The following NFKB1 variants were observed in gnomAD, a reference collection of about 807,000 sequenced individuals.
The protein encoded by NFKB1 is nuclear factor NF-kappa-B p105 subunit.
In NFKB1, 9 loss-of-function variants were observed where a neutral mutation model predicts 105.1. That is an observed-to-expected ratio of 0.09 (90% confidence interval 0.05 to 0.15). The LOEUF (loss-of-function observed/expected upper bound fraction) is 0.15. Among genes scored for constraint, NFKB1 ranks in the 10% least tolerant of loss-of-function variants. The pLI is 1.00. For synonymous variants in NFKB1, 440 were observed against 442.2 expected (o/e 1.00, Z 0.06); for missense variants, 830 against 1,203.7 (o/e 0.69, Z 4.59).
Position 102,610,661 on chromosome 4 carries a change from C to G in NFKB1, c.2314C>G (p.Pro772Ala). Residue 772 changes from proline to alanine, a missense_variant, in exon 20 of 24, where the codon CCT becomes GCT. Pro to Ala is a conservative substitution (Grantham distance 27). Transcript: ENST00000226574. The part of the protein sequence containing the change: ...ENAGEDEGVV[P>A]GTTPLDMATS... The stretch of plus-strand genomic sequence containing the variant: ...TGCAGGAGAGGATGAAGGAGTTGTG[C>G]CTGGAACCACGCCTCTAGATATGGC... 6.2e-7 allele frequency: 1 copy of G among 1,614,032 alleles called. No individual in the cohort carries two copies. The highest frequency in any genetic ancestry group is 8.5e-7 in the Non-Finnish European group (1 of 1,179,950).
At chr4:102,588,955 T>C (rs182581481) in intron 11 of NFKB1, among the ~76,000 whole-genome samples, 84 of 152,288 alleles carry the variant, frequency 5.5e-4, no homozygotes, top group Non-Finnish European at 9.6e-4. Context: ...CATGGTGCCA[T>C]TGTCAAAAGC....
At chr4:102,607,446 G>A in intron 18 of NFKB1, 127 bp downstream of exon 18, 2 of 1,144,848 alleles carry the variant, frequency 1.7e-6, no homozygotes, top group East Asian at 2.4e-5. Context: ...AACATTTATG[G>A]AGGGCTTCAG....
intron 6 of NFKB1, among the ~76,000 whole-genome samples, chr4:102,569,147 CTATA>C (rs772757465): frequency 1.3e-5 from 2 of 152,050 alleles, no homozygotes; most frequent in African/African-American, 2.4e-5. Context: ...CTATCTCTCT[CTATA>C]TATACATTTT....
chr4:102,552,293 A>G (rs1285667593), intron 5 of NFKB1, among the ~76,000 whole-genome samples: 1 of 152,140 alleles, frequency 6.6e-6, no homozygotes, highest in Non-Finnish European at 1.5e-5. Flanking sequence ...AAATATATGA[A>G]TGGCTGTGAT....
In NFKB1 at chr4:102,596,164, G is replaced by T. The variant is rs183929764; in HGVS notation, c.1327G>T (p.Asp443Tyr). The T allele has an allele frequency of 3.7e-6, 6 of 1,605,098 alleles. No homozygotes were observed. In the East Asian group the frequency reaches 1.1e-4, roughly 30 times the overall value. The change falls in exon 14 of 24, where the codon GAC becomes TAC. Residue 443 changes from aspartate (D) to tyrosine (Y), a missense_variant. Coordinates refer to ENST00000226574, the MANE Select transcript of NFKB1 (RefSeq NM_003998.4). The part of the protein sequence containing the change: ...HGTMDTESKK[D>Y]PEGCDKSDDK... ...AACCATGGACACTGAATCTAAAAAG[G>T]ACCCTGAAGGTTGTGACAAAAGTGA...
At chr4:102,547,832 G>C (rs1216655742) in intron 5 of NFKB1, among the ~76,000 whole-genome samples, 2 of 152,162 alleles carry the variant, frequency 1.3e-5, no homozygotes, top group South Asian at 4.2e-4. Context: ...CCTTTCTTCT[G>C]TCTGGGGTTA....
intron 23 of NFKB1, among the ~76,000 whole-genome samples, chr4:102,613,867 CAT>C (rs1383512686): frequency 3.3e-5 from 5 of 152,184 alleles, no homozygotes; most frequent in African/African-American, 9.7e-5. Flanking sequence ...AAATTTAACA[CAT>C]GAGAGAAATA....
intron 16 of NFKB1, among the ~76,000 whole-genome samples, chr4:102,603,396 C>A (rs377528493): frequency 1.3e-5 from 2 of 151,310 alleles, no homozygotes; most frequent in South Asian, 2.1e-4. Flanking sequence ...TTTTTTATAT[C>A]CTAAACTCTT....
chr4:102,546,265 G>A (rs1259606064), intron 5 of NFKB1, among the ~76,000 whole-genome samples: 2 of 151,918 alleles, frequency 1.3e-5, no homozygotes, highest in African/African-American at 2.4e-5. Context: ...ACTCCACCTT[G>A]AGTAGCAGAA....
chr4:102,508,012 A>C (rs1001465266), intron 1 of NFKB1, among the ~76,000 whole-genome samples: 4 of 152,234 alleles, frequency 2.6e-5, no homozygotes, highest in Non-Finnish European at 5.9e-5. Flanking sequence ...TGTCTTAGAA[A>C]ATATGTCTTC....
rs771536273 is a variant in NFKB1, at chr4:102,606,696, C to T, written c.1953C>T (p.Asp651=). Residue 651 remains aspartate (D), a splice_region_variant and synonymous_variant, in exon 17 of 24, where the codon GAC becomes GAT. Coordinates refer to ENST00000226574, the MANE Select transcript of NFKB1 (RefSeq NM_003998.4). ...TACTTCTTGACCACCCCAACGGGGA[C>T]GGTAAGAGACAATCACACATCATTG... ...AALLLDHPNG[D]GLNAIHLAMM... 5.2e-5 allele frequency: 84 copies of T among 1,612,788 alleles called. No homozygotes were observed. Among genetic ancestry groups the T allele is most frequent in the Admixed American group, 8.4e-5 (5 of 59,840 alleles).
intron 5 of NFKB1, among the ~76,000 whole-genome samples, chr4:102,561,596 A>G (rs1723450671): frequency 6.6e-6 from 1 of 152,128 alleles, no homozygotes; most frequent in South Asian, 2.1e-4. Context: ...AGCAATGGGA[A>G]ATGTGAATAG....
At chr4:102,539,811 C>T (rs975263897) in intron 5 of NFKB1, among the ~76,000 whole-genome samples, 4 of 152,094 alleles carry the variant, frequency 2.6e-5, no homozygotes, top group East Asian at 1.9e-4. Flanking sequence ...TATTGCTCAC[C>T]GAACCTCTCA....
chr4:102,562,840 TC>T (rs1366232125), intron 5 of NFKB1, among the ~76,000 whole-genome samples: 1 of 152,186 alleles, frequency 6.6e-6, no homozygotes, highest in African/African-American at 2.4e-5. Context: ...AGGACAGATT[TC>T]CGTTTGAAAA....
chr4:102,575,438 A>AT (rs199796867), intron 6 of NFKB1, among the ~76,000 whole-genome samples: 21 of 148,870 alleles, frequency 1.4e-4, no homozygotes, highest in Admixed American at 6.0e-4. Flanking sequence ...TCCTCTACTA[A>AT]TTTTTTTTTT....
chr4:102,606,388 A>G, intron 16 of NFKB1, 108 bp from the exon 17 acceptor site: 1 of 1,031,898 alleles, frequency 9.7e-7, no homozygotes, highest in Non-Finnish European at 1.5e-6. Context: ...GGAATGAGAA[A>G]TATTCCTGCA....
intron 11 of NFKB1, among the ~76,000 whole-genome samples, chr4:102,586,931 G>A (rs1725756588): frequency 6.6e-6 from 1 of 152,242 alleles, no homozygotes; most frequent in South Asian, 2.1e-4. Context: ...TGCTGCCACA[G>A]GAGTGTTTAG....
Position 102,612,624 on chromosome 4 carries a change from A to G in NFKB1, c.2592+18A>G. On this transcript the variant is annotated intron_variant, in intron 22 of 23. Transcript: ENST00000226574. Reference sequence around the variant, plus strand: ...ACTATGAGGTAACACCTTACCTTACAGATTTAGCAATTTTCATTTGACTTT... The same window carrying G: ...ACTATGAGGTAACACCTTACCTTACGGATTTAGCAATTTTCATTTGACTTT... The G allele has an allele frequency of 6.2e-7, 1 of 1,606,518 alleles. No homozygotes were observed. The highest frequency in any genetic ancestry group is 1.1e-5 in the South Asian group (1 of 90,704).
chr4:102,508,781 G>A (rs949953195), intron 1 of NFKB1, among the ~76,000 whole-genome samples: 2 of 152,136 alleles, frequency 1.3e-5, no homozygotes, highest in Non-Finnish European at 2.9e-5. Flanking sequence ...AAAGCATAAA[G>A]ATTTAGGGGG....
Sources: gnomAD v4.1 joint callset for allele counts (sites outside exome capture counted in the v4.1 genomes callset) on GRCh38, gnomAD v4.1.1 for gene constraint, MANE v1.5 for transcripts, NCBI Gene and HGNC (gene_info 2026-07-23, HGNC 2026-07-21) for gene names.